Variants in RBM6 observed in about 807,000 individuals in gnomAD.
The protein encoded by RBM6 is RNA-binding protein 6.
RBM6 carries 23 observed loss-of-function variants against 140.4 expected under a neutral mutation model. The ratio of observed to expected loss-of-function variants is 0.16; its 90% CI spans 0.12 to 0.23. The LOEUF is 0.23. Among genes scored for constraint, RBM6 ranks in the 10% least tolerant of loss-of-function variants. The pLI, the probability that RBM6 is intolerant of heterozygous loss-of-function variation, is 1.00. For missense variants in RBM6, 1,139 were observed against 1,386.7 expected, an observed-to-expected ratio of 0.82 and a Z score of 2.84; for synonymous variants, 439 against 475.6, an observed-to-expected ratio of 0.92 and a Z score of 1.00.
intron 1 of RBM6, among the ~76,000 whole-genome samples, chr3:49,943,795 A>T (rs570419879): frequency 7.9e-5 from 12 of 152,270 alleles, no homozygotes; most frequent in African/African-American, 2.9e-4. Context: ...AGGACCCACC[A>T]TACTGTTTTC....
At chr3:49,951,439 G>C (rs2083724705) in intron 1 of RBM6, among the ~76,000 whole-genome samples, 1 of 152,042 alleles carries the variant, frequency 6.6e-6, no homozygotes, top group Non-Finnish European at 1.5e-5. Flanking sequence ...TGTTGCCCAG[G>C]CTGGTCTCGA....
chr3:49,980,063 C>T (rs781607038), intron 5 of RBM6, among the ~76,000 whole-genome samples: 2 of 151,692 alleles, frequency 1.3e-5, no homozygotes, highest in Non-Finnish European at 2.9e-5. Flanking sequence ...CGTAATGGCG[C>T]GATCTCAGCT....
At chr3:50,048,148 G>T (rs989440206) in intron 6 of RBM6, 97 bp from the exon 7 acceptor site, 2 of 1,519,924 alleles carry the variant, frequency 1.3e-6, no homozygotes, top group Admixed American at 4.6e-5. Flanking sequence ...TTTATAAAAT[G>T]TTTCAGCTTG....
chr3:49,942,653 G>A (rs1392603849), intron 1 of RBM6, among the ~76,000 whole-genome samples: 1 of 152,150 alleles, frequency 6.6e-6, no homozygotes, highest in African/African-American at 2.4e-5. Context: ...AGCACTTTGG[G>A]AGGTCAACGT....
chr3:49,946,385 C>T (rs913201261), intron 1 of RBM6, among the ~76,000 whole-genome samples: 1 of 151,946 alleles, frequency 6.6e-6, no homozygotes, highest in Non-Finnish European at 1.5e-5. Context: ...GGATTACAGG[C>T]AGCCGCCACC....
chr3:49,951,345 TG>T (rs2083719849), intron 1 of RBM6, among the ~76,000 whole-genome samples: 1 of 151,872 alleles, frequency 6.6e-6, no homozygotes, highest in South Asian at 2.1e-4. Flanking sequence ...CCTCAGTAGC[TG>T]GGACTACAGA....
chr3:50,059,176 C>G (rs2089839402), intron 10 of RBM6, among the ~76,000 whole-genome samples: 1 of 152,154 alleles, frequency 6.6e-6, no homozygotes, highest in Non-Finnish European at 1.5e-5. Context: ...TTTATTTTGT[C>G]CAGCCACAGA....
At chr3:50,068,616 T>C in intron 17 of RBM6, 74 bp from the exon 18 acceptor site, 1 of 1,380,558 alleles carries the variant, frequency 7.2e-7, no homozygotes, top group Non-Finnish European at 1.0e-6. Context: ...AAGCAACTAT[T>C]GGGAAAGGCC....
intron 5 of RBM6, among the ~76,000 whole-genome samples, chr3:49,984,322 T>C (rs2085446722): frequency 6.6e-6 from 1 of 151,734 alleles, no homozygotes; most frequent in Non-Finnish European, 1.5e-5. Context: ...AAATGGTGAA[T>C]GTAAAATAAA....
chr3:50,024,484 CT>C (rs143160451), intron 6 of RBM6, among the ~76,000 whole-genome samples: 12,015 of 152,164 alleles, frequency 0.079, 525 homozygotes, highest in African/African-American at 0.1. Flanking sequence ...AGTCTTTTGA[CT>C]TTCTTTTGAG....
At chr3:50,071,438 T>C (rs1247210790) in intron 19 of RBM6, among the ~76,000 whole-genome samples, 5 of 152,174 alleles carry the variant, frequency 3.3e-5, no homozygotes, top group Non-Finnish European at 5.9e-5. Flanking sequence ...GAAGATGAGT[T>C]TGTAGAGAGA....
At chr3:50,055,925 A>G (rs978406518) in intron 8 of RBM6, among the ~76,000 whole-genome samples, 2 of 152,194 alleles carry the variant, frequency 1.3e-5, no homozygotes, top group African/African-American at 4.8e-5. Context: ...CCATAACAAC[A>G]GTCCTGTAGT....
At chr3:50,070,786 C>T (rs2090276618) in intron 19 of RBM6, among the ~76,000 whole-genome samples, 1 of 152,232 alleles carries the variant, frequency 6.6e-6, no homozygotes, top group Non-Finnish European at 1.5e-5. Context: ...GCTGGAGTAG[C>T]CATGATCGGG....
intron 5 of RBM6, among the ~76,000 whole-genome samples, chr3:49,990,181 A>G (rs2085755935): frequency 6.6e-6 from 1 of 152,202 alleles, no homozygotes. Context: ...AAATGGATCA[A>G]GTGATTTTTT....
At chr3:49,958,939 G>A (rs1485801400) in intron 1 of RBM6, among the ~76,000 whole-genome samples, 1 of 151,832 alleles carries the variant, frequency 6.6e-6, no homozygotes, top group Non-Finnish European at 1.5e-5. Flanking sequence ...GGGATTAGGG[G>A]TGCCTGCTAC....
chr3:49,967,805 A>G lies in RBM6; in HGVS notation c.380A>G (p.Asp127Gly). ...GRDIHSGDFR[D>G]REGPPMDYRG... The stretch of plus-strand genomic sequence containing the variant: ...GACATACATTCTGGGGATTTTCGGG[A>G]TAGAGAAGGACCACCTATGGACTAT... Residue 127 changes from aspartate (D) to glycine (G), a missense_variant, in exon 3 of 21, where the codon GAT becomes GGT. Physicochemically the swap from Asp to Gly is moderately conservative, Grantham distance 94. Transcript: ENST00000266022. This position sits in a 1 kb window ranked among gnomAD's most constrained non-coding sequence, Gnocchi z 4.0. 6.2e-7 allele frequency: 1 copy of G among 1,614,060 alleles called. No individual in the cohort carries two copies. Among genetic ancestry groups the G allele is most frequent in the Non-Finnish European group, 8.5e-7 (1 of 1,180,014 alleles).
chr3:49,949,039 C>T (rs1460245063), intron 1 of RBM6, among the ~76,000 whole-genome samples: 1 of 150,852 alleles, frequency 6.6e-6, no homozygotes, highest in African/African-American at 2.4e-5. Flanking sequence ...CTATATTGGC[C>T]AGGCTGGTCT....
chr3:49,989,901 C>T (rs145820009), intron 5 of RBM6, among the ~76,000 whole-genome samples: 1 of 152,144 alleles, frequency 6.6e-6, no homozygotes, highest in African/African-American at 2.4e-5. Flanking sequence ...TGCCCACCAC[C>T]ACGCCTGGCT....
At chr3:50,006,147 T>C (rs1326152884) in intron 6 of RBM6, among the ~76,000 whole-genome samples, 5 of 149,454 alleles carry the variant, frequency 3.3e-5, no homozygotes, top group East Asian at 1.9e-4. Flanking sequence ...ATTGAGACTT[T>C]TTTTTTTTTT....
Sources: gnomAD v4.1 joint callset for allele counts (sites outside exome capture counted in the v4.1 genomes callset) on GRCh38, gnomAD v4.1.1 for gene constraint, Gnocchi (gnomAD v3.1) non-coding constraint, MANE v1.5 for transcripts, NCBI Gene and HGNC (gene_info 2026-07-23, HGNC 2026-07-21) for gene names.